The following TNRC6B variants were observed in gnomAD, a reference collection of about 807,000 sequenced individuals.
TNRC6B encodes trinucleotide repeat-containing gene 6B protein.
In TNRC6B, 52 loss-of-function variants were observed where a neutral mutation model predicts 203.6. The ratio of observed to expected loss-of-function variants is 0.26; its 90% CI spans 0.20 to 0.32. TNRC6B has a LOEUF of 0.32. TNRC6B is among the 10% of genes least tolerant of loss of function. The probability of loss-of-function intolerance (pLI) is 1.00; values close to 1 mark genes in which losing one functional copy is unlikely to be tolerated. For missense variants in TNRC6B, 1,923 were observed against 2,286.2 expected, an observed-to-expected ratio of 0.84 and a Z score of 3.24; for synonymous variants, 838 against 845.7, an observed-to-expected ratio of 0.99 and a Z score of 0.16.
At chr22:40,262,515 G>A (rs923514061) in intron 4 of TNRC6B, among the ~76,000 whole-genome samples, 11 of 147,840 alleles carry the variant, frequency 7.4e-5, no homozygotes, top group East Asian at 5.8e-4. Context: ...GGGCTTGTGC[G>A]AAGGCGAATC....
chr22:40,260,327 T>C (rs984618496), intron 3 of TNRC6B, among the ~76,000 whole-genome samples: 18 of 152,152 alleles, frequency 1.2e-4, no homozygotes, highest in Admixed American at 5.2e-4. Flanking sequence ...TGTGATTTTC[T>C]AGGCCTGGAG....
At chr22:40,171,011 C>G (rs2068989941) in intron 4 of TNRC6B, among the ~76,000 whole-genome samples, 1 of 134,962 alleles carries the variant, frequency 7.4e-6, no homozygotes, top group Non-Finnish European at 1.6e-5. Context: ...ACACATATAC[C>G]TATATATGAC....
At chr22:40,118,098 G>C (rs73428266) in intron 2 of TNRC6B, among the ~76,000 whole-genome samples, 1 of 151,878 alleles carries the variant, frequency 6.6e-6, no homozygotes, top group Non-Finnish European at 1.5e-5. Context: ...TAATATGAGG[G>C]GTCCAGGGTA....
In TNRC6B at chr22:40,163,044, C is replaced by T. The variant is rs1345488804; in HGVS notation, c.113+6862C>T. ...CAAAGTCTTTTTTTCCCAGAAGTCT[C>T]AGAATCGTAATAAATTCTGAATTCT... On this transcript the variant is annotated intron_variant, in intron 4 of 23. Coordinates refer to the TNRC6B transcript ENST00000301923. Among the ~76,000 whole-genome samples the T allele has an allele frequency of 5.3e-5, 8 of 152,070 alleles. 1 individual carries two copies. In the East Asian group the frequency reaches 1.5e-3, roughly 29 times the overall value.
intron 2 of TNRC6B, among the ~76,000 whole-genome samples, chr22:40,121,029 A>C (rs1233023251): frequency 5.3e-5 from 8 of 152,188 alleles, no homozygotes; most frequent in Admixed American, 4.6e-4. Context: ...TTCACCCCTG[A>C]CAGCCTGAGT....
At chr22:40,112,468 G>C (rs933845346) in intron 1 of TNRC6B, among the ~76,000 whole-genome samples, 1 of 152,092 alleles carries the variant, frequency 6.6e-6, no homozygotes, top group African/African-American at 2.4e-5. Context: ...TAAGAAGGCT[G>C]GTTGCAGACC....
chr22:40,209,635 G>A (rs2069533253), intron 1 of TNRC6B, among the ~76,000 whole-genome samples: 1 of 152,202 alleles, frequency 6.6e-6, no homozygotes, highest in Non-Finnish European at 1.5e-5. Flanking sequence ...GCAGTCACTA[G>A]TTGTGTATCT....
chr22:40,188,387 G>A (rs6001829), intron 1 of TNRC6B, among the ~76,000 whole-genome samples: 103,537 of 152,038 alleles, frequency 0.68, 37,082 homozygotes, highest in African/African-American at 0.91. Flanking sequence ...CAGCTATTCA[G>A]TCTTGTTTTT....
At chr22:40,106,368 G>T in intron 1 of TNRC6B, 2 of 1,214,862 alleles carry the variant, frequency 1.6e-6, no homozygotes, top group Non-Finnish European at 2.4e-6. Context: ...CTTGTTGCCA[G>T]CATCTCCACC....
At chr22:40,274,641 C>G (rs758122601) in intron 7 of TNRC6B, among the ~76,000 whole-genome samples, 1 of 152,072 alleles carries the variant, frequency 6.6e-6, no homozygotes, top group African/African-American at 2.4e-5. Flanking sequence ...AGGATGGTCT[C>G]GATCTCCTGA....
intron 12 of TNRC6B, among the ~76,000 whole-genome samples, chr22:40,298,782 C>T (rs964342164): frequency 1.7e-4 from 25 of 151,488 alleles, no homozygotes; most frequent in Non-Finnish European, 3.5e-4. Flanking sequence ...CTGGCTAACA[C>T]GGTGAAACCC....
intron 3 of TNRC6B, among the ~76,000 whole-genome samples, chr22:40,253,005 A>T (rs114261518): frequency 6.6e-6 from 1 of 152,104 alleles, no homozygotes; most frequent in Non-Finnish European, 1.5e-5. Flanking sequence ...TGCAAAGCCA[A>T]GTGTTAGTTG....
intron 3 of TNRC6B, 76 bp downstream of exon 3, chr22:40,251,276 C>T (rs2070188836): frequency 8.4e-7 from 1 of 1,187,048 alleles, no homozygotes; most frequent in Admixed American, 2.5e-5. Flanking sequence ...GACTCAGCCT[C>T]CAATCCACTG....
chr22:40,205,151 T>C (rs1429107959), intron 1 of TNRC6B, among the ~76,000 whole-genome samples: 1 of 152,272 alleles, frequency 6.6e-6, no homozygotes, highest in Non-Finnish European at 1.5e-5. Flanking sequence ...TGGAGTGTGC[T>C]GAGTTCCCAC....
chr22:40,238,223 G>A (rs144512620), intron 1 of TNRC6B, among the ~76,000 whole-genome samples: 12 of 152,124 alleles, frequency 7.9e-5, no homozygotes, highest in Non-Finnish European at 1.5e-4. Context: ...TGTGGCAAAC[G>A]CACACACACT....
chr22:40,259,584 C>T (rs756769424), intron 3 of TNRC6B, among the ~76,000 whole-genome samples: 5 of 152,240 alleles, frequency 3.3e-5, no homozygotes, highest in Non-Finnish European at 7.4e-5. Flanking sequence ...ATCCTCTGAC[C>T]TCCACTCCCC....
At position 40,188,747 on chromosome 22, in the gene TNRC6B, G is replaced by A. The variant is rs751629446; in HGVS notation, c.5+10607G>A. Among the ~76,000 whole-genome samples, 6 of 152,218 alleles carry A rather than the reference G, an allele frequency of 3.9e-5. No homozygotes were observed. In the South Asian group the frequency reaches 6.2e-4, roughly 16 times the overall value. ...TAGAACAGTGGCTTTTAAACTTTTT[G>A]ATTGGCTCTACTATAAAAAATTCAA... On this transcript the variant is annotated intron_variant, in intron 1 of 22. Transcript: ENST00000454349.
At chr22:40,284,600 G>A (rs2070759456) in intron 11 of TNRC6B, among the ~76,000 whole-genome samples, 1 of 152,192 alleles carries the variant, frequency 6.6e-6, no homozygotes, top group South Asian at 2.1e-4. Flanking sequence ...CTGGGAATAC[G>A]AAGAGGGAAA....
In TNRC6B at chr22:40,267,150, G is replaced by C. The variant is rs2070493576; in HGVS notation, c.2806+114G>C. ...TTTTGTTCTGAGATGCTTTCCTACA[G>C]TTTCTACTCTGTTGCTAACAGAACC... On this transcript the variant is annotated intron_variant, in intron 5 of 22. Coordinates refer to ENST00000454349, the MANE Select transcript of TNRC6B (RefSeq NM_001162501.2). The C allele has an allele frequency of 4.5e-6, 5 of 1,122,258 alleles. No homozygotes were observed. The East Asian group carries it at 1.1e-4, about 25-fold the overall frequency. 69.5% of individuals were successfully genotyped at this position (1,122,258 alleles called of 1,614,324 possible).
Sources: gnomAD v4.1 joint callset for allele counts (sites outside exome capture counted in the v4.1 genomes callset) on GRCh38, gnomAD v4.1.1 for gene constraint, MANE v1.5 for transcripts, NCBI Gene and HGNC (gene_info 2026-07-23, HGNC 2026-07-21) for gene names.